Variants in TLCD3B observed in about 807,000 individuals in gnomAD.
TLCD3B encodes ceramide synthase.
In TLCD3B, 9 loss-of-function variants were observed where a neutral mutation model predicts 23.0. The ratio of observed to expected loss-of-function variants is 0.39; its 90% CI spans 0.24 to 0.68. The LOEUF (loss-of-function observed/expected upper bound fraction) is 0.68. Among genes scored for constraint, TLCD3B ranks in the 30% least tolerant of loss-of-function variants. TLCD3B has a pLI of 0.44. For synonymous variants in TLCD3B, 161 were observed against 161.0 expected (o/e 1.00, Z 0.00); for missense variants, 307 against 371.8 (o/e 0.83, Z 1.43).
At position 30,029,633 on chromosome 16, in the gene TLCD3B, C is replaced by T. The variant is rs1408419556; in HGVS notation, c.126-118G>A. ...CGTTCAGCCACTTCTCGGGCCAGTC[C>T]TTGCCTGCCTTCGCCCAAGGCTGGG... On this transcript the variant is annotated intron_variant, in intron 1 of 4. Coordinates refer to ENST00000380495, the MANE Select transcript of TLCD3B (RefSeq NM_031478.6). This position sits in a 1 kb window ranked among gnomAD's most constrained non-coding sequence, Gnocchi z 4.6. The T allele has an allele frequency of 1.8e-5, 16 of 872,908 alleles. No homozygotes were observed. The highest frequency in any genetic ancestry group is 1.0e-4 in the Admixed American group (5 of 48,414). The allele number at this position is 872,908 out of a possible 1,614,324, so 54.1% of individuals were successfully genotyped here.
chr16:30,041,802 A>G (rs910842116), intron 2 of TLCD3B, among the ~76,000 whole-genome samples: 2 of 151,690 alleles, frequency 1.3e-5, no homozygotes, highest in Non-Finnish European at 2.9e-5. Flanking sequence ...TTGTGACTGC[A>G]GTTCATGCAC....
chr16:30,030,209 G>A (rs570743826), intron 1 of TLCD3B, 194 bp downstream of exon 1: 17 of 1,282,606 alleles, frequency 1.3e-5, no homozygotes, highest in African/African-American at 2.9e-5. Context: ...CCAGATGGCC[G>A]GGCTGGATGA....
At chr16:30,047,199 C>T (rs1033947078) in intron 1 of TLCD3B, among the ~76,000 whole-genome samples, 5 of 152,070 alleles carry the variant, frequency 3.3e-5, no homozygotes, top group Admixed American at 6.6e-5. Context: ...CTATCTAGCG[C>T]AATCTCGGCT....
At chr16:30,048,094 A>G (rs897917455) in intron 1 of TLCD3B, among the ~76,000 whole-genome samples, 1 of 151,322 alleles carries the variant, frequency 6.6e-6, no homozygotes. Context: ...GTGAGTCAAG[A>G]TCGCACAACT....
intron 1 of TLCD3B, chr16:30,030,144 G>T: frequency 6.8e-7 from 1 of 1,480,838 alleles, no homozygotes; most frequent in Non-Finnish European, 9.1e-7. Context: ...GCCCTGTTTT[G>T]GAGGGTGGGA....
chr16:30,039,085 TCTC>T (rs2071529271), intron 3 of TLCD3B, among the ~76,000 whole-genome samples: 1 of 142,576 alleles, frequency 7.0e-6, no homozygotes, highest in Non-Finnish European at 1.5e-5. Flanking sequence ...AACTTATCCT[TCTC>T]CTCCTCCTTC....
intron 3 of TLCD3B, among the ~76,000 whole-genome samples, chr16:30,040,160 A>ATT (rs2071558116): frequency 7.0e-6 from 1 of 143,058 alleles, no homozygotes; most frequent in Non-Finnish European, 1.5e-5. Context: ...ATATATATAT[A>ATT]TATATATATA....
chr16:30,042,285 C>G (rs1431486001), intron 2 of TLCD3B, among the ~76,000 whole-genome samples: 2 of 151,946 alleles, frequency 1.3e-5, no homozygotes, highest in African/African-American at 4.8e-5. Flanking sequence ...TTTGCACAGG[C>G]TGGAGTGCAG....
chr16:30,039,113 T>C (rs1193970625), intron 3 of TLCD3B, among the ~76,000 whole-genome samples: 3 of 137,362 alleles, frequency 2.2e-5, no homozygotes, highest in Non-Finnish European at 3.1e-5. Context: ...CTTTTTTTTT[T>C]TTTTTTTTTT....
chr16:30,041,496 C>T (rs2071579421), intron 2 of TLCD3B, among the ~76,000 whole-genome samples: 1 of 152,076 alleles, frequency 6.6e-6, no homozygotes, highest in South Asian at 2.1e-4. Flanking sequence ...AACTCCTGAC[C>T]TCAAGTGAGC....
intron 2 of TLCD3B, among the ~76,000 whole-genome samples, chr16:30,045,707 G>T (rs1472123595): frequency 6.8e-6 from 1 of 146,010 alleles, no homozygotes; most frequent in Non-Finnish European, 1.5e-5. Context: ...GTGTGTGTGT[G>T]TTGTGTGTGT....
At position 30,030,692 on chromosome 16, in the gene TLCD3B, G is replaced by T. The variant is rs1353101548; in HGVS notation, c.-165C>A. 2.8e-5 allele frequency: 32 copies of T among 1,160,350 alleles called. No individual in the cohort carries two copies. The highest frequency in any genetic ancestry group is 3.2e-5 in the Non-Finnish European group (30 of 941,652). The allele number at this position is 1,160,350 out of a possible 1,614,324, so 71.9% of individuals were successfully genotyped here. A position where few individuals can be genotyped will look rare whatever the true frequency, so the allele number is the denominator to read the frequency against. On this transcript the variant is annotated 5_prime_UTR_variant, in exon 1 of 5. Coordinates refer to ENST00000380495, the MANE Select transcript of TLCD3B (RefSeq NM_031478.6). The stretch of plus-strand genomic sequence containing the variant: ...GGCGGGGACGGGATGGGGCCAGGGA[G>T]TCCGATGAAACTGGGGAGTCGGGAG...
intron 3 of TLCD3B, among the ~76,000 whole-genome samples, chr16:30,038,462 CAATT>C (rs2071513343): frequency 6.6e-6 from 1 of 151,916 alleles, no homozygotes; most frequent in Non-Finnish European, 1.5e-5. Flanking sequence ...CTAAAAAAAT[CAATT>C]AAGGGCTGGG....
rs201472538 is a variant in TLCD3B at position 30,025,505 on chromosome 16, G to A, written c.541-38C>T. 1.4e-5 allele frequency: 23 copies of A among 1,606,892 alleles called. No homozygotes were observed. Among genetic ancestry groups the A allele is most frequent in the Non-Finnish European group, 2.0e-5 (23 of 1,177,138 alleles). On this transcript the variant is annotated intron_variant, in intron 4 of 4. Coordinates refer to ENST00000380495, the MANE Select transcript of TLCD3B (RefSeq NM_031478.6). The surrounding 1 kb of genome is among the most constrained non-coding windows in gnomAD (Gnocchi z 4.1). Reference sequence around the variant, plus strand: ...AGACACAGTGGCCACGGCAGCAGAAGGGCTCGGCCCCCCTTGGCCCTCTCC... The same window carrying A: ...AGACACAGTGGCCACGGCAGCAGAAAGGCTCGGCCCCCCTTGGCCCTCTCC...
chr16:30,029,942 C>T lies in TLCD3B; in HGVS notation c.126-427G>A. On this transcript the variant is annotated intron_variant, in intron 1 of 4. Coordinates refer to ENST00000380495, the MANE Select transcript of TLCD3B (RefSeq NM_031478.6). The surrounding 1 kb of genome is among the most constrained non-coding windows in gnomAD (Gnocchi z 4.6). The stretch of plus-strand genomic sequence containing the variant: ...TGGACCCTTTGTGACCCCGAGTTCC[C>T]CAGTCACTTTCCCACTGTCTCCTGA... 9.7e-7 allele frequency: 1 copy of T among 1,027,580 alleles called. No homozygotes were observed. Among genetic ancestry groups the T allele is most frequent in the East Asian group, 5.7e-5 (1 of 17,414 alleles). The allele number at this position is 1,027,580 out of a possible 1,614,324, so 63.7% of individuals were successfully genotyped here.
intron 2 of TLCD3B, 187 bp from the exon 3 acceptor site, chr16:30,027,030 G>A: frequency 2.9e-6 from 2 of 689,562 alleles, no homozygotes; most frequent in South Asian, 1.5e-5. Context: ...AGTAAGAGAT[G>A]GTGCTGGGAT....
At chr16:30,040,141 A>ATATAT (rs1322383138) in intron 3 of TLCD3B, among the ~76,000 whole-genome samples, 19 of 102,372 alleles carry the variant, frequency 1.9e-4, no homozygotes, top group African/African-American at 7.0e-4. Context: ...CTCAAAAAAA[A>ATATAT]AAAAAAATAT....
Position 30,025,130 on chromosome 16 carries a change from C to T in TLCD3B, c.*53G>A. 1 of 1,247,812 alleles carries T rather than the reference C, an allele frequency of 8.0e-7. No individual in the cohort carries two copies. The highest frequency in any genetic ancestry group is 1.1e-6 in the Non-Finnish European group (1 of 930,532). The allele number at this position is 1,247,812 out of a possible 1,614,324, so 77.3% of individuals were successfully genotyped here. A position where few individuals can be genotyped will look rare whatever the true frequency, so the allele number is the denominator to read the frequency against. Reference sequence around the variant, plus strand: ...CCAACCCCAGCCATCAGCCCCAGAGCCCTGTCTCCACGGGGGTGGGGGTGG... The same window carrying T: ...CCAACCCCAGCCATCAGCCCCAGAGTCCTGTCTCCACGGGGGTGGGGGTGG... On this transcript the variant is annotated 3_prime_UTR_variant, in exon 5 of 5. Coordinates refer to ENST00000380495, the MANE Select transcript of TLCD3B (RefSeq NM_031478.6). The surrounding 1 kb of genome is among the most constrained non-coding windows in gnomAD (Gnocchi z 4.1).
At chr16:30,028,529 A>G (rs1014249929) in intron 2 of TLCD3B, among the ~76,000 whole-genome samples, 4 of 152,122 alleles carry the variant, frequency 2.6e-5, no homozygotes, top group Non-Finnish European at 4.4e-5. Context: ...GCGGGGTCTG[A>G]AGAAAGAGTT....
Sources: allele counts gnomAD v4.1 joint callset (sites outside exome capture counted in the v4.1 genomes callset), GRCh38; gene constraint gnomAD v4.1.1; non-coding constraint Gnocchi (gnomAD v3.1); transcripts MANE v1.5; gene names NCBI Gene and HGNC (gene_info 2026-07-23, HGNC 2026-07-21).